Variants in CMTM8 observed in about 807,000 individuals in gnomAD.
The protein encoded by CMTM8 is CKLF like MARVEL transmembrane domain containing 8.
Under a neutral mutation model 18.6 loss-of-function variants are expected in CMTM8, and 12 were observed. The ratio of observed to expected loss-of-function variants is 0.65; its 90% CI spans 0.41 to 1.05. The LOEUF is 1.05. Among genes scored for constraint, CMTM8 ranks in the 50% least tolerant of loss-of-function variants. The probability of loss-of-function intolerance (pLI) is 0.00; values close to 1 mark genes in which losing one functional copy is unlikely to be tolerated. For missense variants in CMTM8, 217 were observed against 227.2 expected (o/e 0.95, Z 0.29); for synonymous variants, 87 against 90.6 (o/e 0.96, Z 0.23).
chr3:32,299,119 A>T (rs1015748253), intron 1 of CMTM8, among the ~76,000 whole-genome samples: 1 of 151,488 alleles, frequency 6.6e-6, no homozygotes, highest in Admixed American at 6.6e-5. Flanking sequence ...TCTTGGGATC[A>T]CACCTCAAAG....
chr3:32,238,900 G>A lies in CMTM8; in HGVS notation c.-73G>A. On this transcript the variant is annotated 5_prime_UTR_variant, in exon 1 of 4. Coordinates refer to ENST00000307526, the MANE Select transcript of CMTM8 (RefSeq NM_178868.5). ...CCTCCCCCGCGCCTGTGTCCCCAGG[G>A]CGCAGGGCCGCGCGTCCAGCCCCAG... The A allele has an allele frequency of 7.0e-7, 1 of 1,433,680 alleles. No homozygotes were observed. The highest frequency in any genetic ancestry group is 9.2e-7 in the Non-Finnish European group (1 of 1,083,232). The allele number at this position is 1,433,680 out of a possible 1,614,324, so 88.8% of individuals were successfully genotyped here.
At chr3:32,241,938 A>G (rs1022280337) in intron 1 of CMTM8, among the ~76,000 whole-genome samples, 1 of 152,364 alleles carries the variant, frequency 6.6e-6, no homozygotes, top group East Asian at 1.9e-4. Flanking sequence ...TCTCCTATCA[A>G]GAAGCTGAGA....
chr3:32,348,529 C>CTTTTTTCTTTTTTTTTTTT (rs1696645180), intron 1 of CMTM8, among the ~76,000 whole-genome samples: 1 of 102,036 alleles, frequency 9.8e-6, no homozygotes, highest in Non-Finnish European at 1.9e-5. Flanking sequence ...CTTCCTGGAA[C>CTTTTTTCTTTTTTTTTTTT]TTTTTTTTTT....
At chr3:32,247,464 C>T (rs1161842642) in intron 1 of CMTM8, among the ~76,000 whole-genome samples, 1 of 152,152 alleles carries the variant, frequency 6.6e-6, no homozygotes, top group African/African-American at 2.4e-5. Context: ...AGGCGTGCGC[C>T]ACCACACCTG....
At chr3:32,275,587 T>C (rs572112752) in intron 1 of CMTM8, among the ~76,000 whole-genome samples, 1 of 151,370 alleles carries the variant, frequency 6.6e-6, no homozygotes, top group East Asian at 1.9e-4. Context: ...CCCTCAAAGG[T>C]ATTGGTGAAA....
At chr3:32,250,304 C>T (rs140943717) in intron 1 of CMTM8, among the ~76,000 whole-genome samples, 86 of 152,244 alleles carry the variant, frequency 5.6e-4, no homozygotes, top group African/African-American at 2.1e-3. Flanking sequence ...ATTCAAAATG[C>T]GAGTCCTCCA....
At chr3:32,304,775 T>A (rs1695689815) in intron 1 of CMTM8, among the ~76,000 whole-genome samples, 1 of 152,242 alleles carries the variant, frequency 6.6e-6, no homozygotes, top group Non-Finnish European at 1.5e-5. Flanking sequence ...AGTAGGAACA[T>A]CTGCTTTAGC....
At chr3:32,339,151 A>G (rs1386524714) in intron 1 of CMTM8, among the ~76,000 whole-genome samples, 1 of 152,214 alleles carries the variant, frequency 6.6e-6, no homozygotes, top group Non-Finnish European at 1.5e-5. Context: ...ACCTTCAAGA[A>G]GAGCATCAAA....
rs150644742 is a variant in CMTM8, at chr3:32,271,759, T to C, written c.147+32640T>C. Among the ~76,000 whole-genome samples the C allele has an allele frequency of 3.9e-4, 60 of 152,360 alleles. No homozygotes were observed. The East Asian group carries it at 9.1e-3, about 23-fold the overall frequency. ...ATGCTGTATTCTTTTAGTAGATCTT[T>C]AGCTGTCTTAACATGCATACTTAGT... On this transcript the variant is annotated intron_variant, in intron 1 of 3. Transcript: ENST00000307526.
rs764506590 is a variant in CMTM8, at chr3:32,358,744, G to A, written c.321+1198G>A. 2.6e-5 allele frequency among the ~76,000 whole-genome samples: 4 copies of A among 152,200 alleles called. No homozygotes were observed. The highest frequency in any genetic ancestry group is 7.2e-5 in the African/African-American group (3 of 41,458). ...ACTCTTTATTAAGATTTTCAAGAAA[G>A]CGTTGCAAGTTTGAAAAGTAATTCC... On this transcript the variant is annotated intron_variant, in intron 2 of 3. Transcript: ENST00000307526. This position sits in a 1 kb window ranked among gnomAD's most constrained non-coding sequence, Gnocchi z 4.1.
At chr3:32,257,171 T>C (rs1702185011) in intron 1 of CMTM8, among the ~76,000 whole-genome samples, 1 of 152,156 alleles carries the variant, frequency 6.6e-6, no homozygotes, top group Non-Finnish European at 1.5e-5. Context: ...GAGACGGGTT[T>C]TTGCCATGTT....
chr3:32,335,533 G>A (rs1375312467), intron 1 of CMTM8, among the ~76,000 whole-genome samples: 1 of 152,150 alleles, frequency 6.6e-6, no homozygotes, highest in African/African-American at 2.4e-5. Flanking sequence ...GGGGCCAGGT[G>A]GTCAACTCTC....
intron 1 of CMTM8, among the ~76,000 whole-genome samples, chr3:32,278,181 G>A (rs563662716): frequency 6.6e-6 from 1 of 152,142 alleles, no homozygotes; most frequent in South Asian, 2.1e-4. Context: ...GATCCAACCT[G>A]GAAGTTACAT....
At chr3:32,280,788 C>T (rs532265696) in intron 1 of CMTM8, among the ~76,000 whole-genome samples, 6 of 138,220 alleles carry the variant, frequency 4.3e-5, no homozygotes, top group East Asian at 4.2e-4. Flanking sequence ...GGGGTGGAGT[C>T]GACCCTACTC....
At chr3:32,304,601 G>A (rs1695687079) in intron 1 of CMTM8, among the ~76,000 whole-genome samples, 1 of 152,178 alleles carries the variant, frequency 6.6e-6, no homozygotes, top group Non-Finnish European at 1.5e-5. Context: ...AACCTCCAAG[G>A]CAAATATTTG....
At chr3:32,283,969 G>T (rs1223343483) in intron 1 of CMTM8, among the ~76,000 whole-genome samples, 3 of 152,200 alleles carry the variant, frequency 2.0e-5, no homozygotes, top group African/African-American at 7.2e-5. Context: ...ATACACTTAG[G>T]GCTGGGCACA....
chr3:32,350,902 A>C (rs886931640), intron 1 of CMTM8, among the ~76,000 whole-genome samples: 1 of 150,578 alleles, frequency 6.6e-6, no homozygotes, highest in Non-Finnish European at 1.5e-5. Flanking sequence ...CAAGTGATCC[A>C]CCCGCCTCAG....
At chr3:32,324,055 T>C (rs1372533381) in intron 1 of CMTM8, among the ~76,000 whole-genome samples, 2 of 152,338 alleles carry the variant, frequency 1.3e-5, no homozygotes, top group African/African-American at 4.8e-5. Flanking sequence ...GGGAGATTGA[T>C]GGTAAACTTT....
intron 1 of CMTM8, among the ~76,000 whole-genome samples, chr3:32,328,823 G>C (rs1696217694): frequency 6.6e-6 from 1 of 152,018 alleles, no homozygotes; most frequent in African/African-American, 2.4e-5. Context: ...CTAGTAAAAA[G>C]ATGGAATCAG....
Sources: allele counts gnomAD v4.1 joint callset (sites outside exome capture counted in the v4.1 genomes callset), GRCh38; gene constraint gnomAD v4.1.1; non-coding constraint Gnocchi (gnomAD v3.1); transcripts MANE v1.5; gene names NCBI Gene and HGNC (gene_info 2026-07-23, HGNC 2026-07-21).